BEAN1: variants seen among roughly 807,000 people sequenced by gnomAD.
BEAN1 encodes the protein brain expressed associated with NEDD4 1.
In BEAN1, 17 loss-of-function variants were observed where a neutral mutation model predicts 17.7. The ratio of observed to expected loss-of-function variants is 0.96; its 90% CI spans 0.66 to 1.44. BEAN1 has a LOEUF of 1.44. Among genes scored for constraint, BEAN1 ranks in the 40% most tolerant of loss-of-function variants. The probability of loss-of-function intolerance (pLI) is 0.00; values close to 1 mark genes in which losing one functional copy is unlikely to be tolerated. For synonymous variants in BEAN1, 142 were observed against 151.8 expected, an observed-to-expected ratio of 0.94 and a Z score of 0.47; for missense variants, 359 against 374.1, an observed-to-expected ratio of 0.96 and a Z score of 0.33.
intron 3 of BEAN1, among the ~76,000 whole-genome samples, chr16:66,472,628 T>C (rs1326846010): frequency 1.3e-5 from 2 of 152,092 alleles, no homozygotes; most frequent in African/African-American, 4.8e-5. Flanking sequence ...CGCTTGAACC[T>C]GGGAGGCATA....
At chr16:66,446,057 C>G (rs182736634) in intron 2 of BEAN1, among the ~76,000 whole-genome samples, 1 of 152,056 alleles carries the variant, frequency 6.6e-6, no homozygotes, top group African/African-American at 2.4e-5. Flanking sequence ...GTGGGGCACG[C>G]CTGTAATCCC....
rs61540693 is a variant in BEAN1 at position 66,445,475 on chromosome 16, C to CA, written c.25+7814dup. 5.7e-4 allele frequency among the ~76,000 whole-genome samples: 28 copies of CA among 49,328 alleles called. 9 individuals are homozygous for CA. Among genetic ancestry groups the CA allele is most frequent in the Non-Finnish European group, 7.4e-4 (21 of 28,534 alleles). 32.4% of individuals were successfully genotyped at this position (49,328 alleles called of 152,430 possible). ...TGGGCAAGAGAGTGAGACTCCGTCT[C>CA]AAAAAAAAAAAAAAAAAAAAAAAAA... On this transcript the variant is annotated intron_variant, in intron 2 of 4. Coordinates refer to ENST00000536005, the MANE Select transcript of BEAN1 (RefSeq NM_001178020.3).
chr16:66,479,863 A>G (rs1963918106), intron 4 of BEAN1, among the ~76,000 whole-genome samples: 1 of 151,970 alleles, frequency 6.6e-6, no homozygotes, highest in Non-Finnish European at 1.5e-5. Context: ...CTGTGTCCAA[A>G]CTGCCCTCAG....
At chr16:66,443,532 G>T (rs1006025893) in intron 2 of BEAN1, among the ~76,000 whole-genome samples, 1 of 152,198 alleles carries the variant, frequency 6.6e-6, no homozygotes, top group East Asian at 1.9e-4. Context: ...CACAGCAGGG[G>T]TGAGGAATCC....
intron 2 of BEAN1, among the ~76,000 whole-genome samples, chr16:66,441,558 T>C (rs908582685): frequency 6.6e-6 from 1 of 152,178 alleles, no homozygotes; most frequent in African/African-American, 2.4e-5. Flanking sequence ...CCTGTTCCCA[T>C]TTGGGCTTCT....
chr16:66,429,428 G>T (rs1464496150), intron 1 of BEAN1, among the ~76,000 whole-genome samples: 1 of 152,120 alleles, frequency 6.6e-6, no homozygotes, highest in Non-Finnish European at 1.5e-5. Context: ...GGGGATAGGG[G>T]AGGATGCTGG....
chr16:66,453,491 TG>T (rs1454983054), intron 2 of BEAN1, among the ~76,000 whole-genome samples: 4 of 152,002 alleles, frequency 2.6e-5, no homozygotes, highest in Non-Finnish European at 5.9e-5. Context: ...CCCAAGTAGC[TG>T]GGACTATAGG....
intron 4 of BEAN1, chr16:66,479,156 T>C (rs992618014): frequency 3.3e-5 from 5 of 151,874 alleles, no homozygotes; most frequent in Admixed American, 1.3e-4. Flanking sequence ...ACTGTGGGTA[T>C]CTGGGGATGT....
At chr16:66,475,871 G>A (rs916264211) in intron 3 of BEAN1, 1 of 152,330 alleles carries the variant, frequency 6.6e-6, no homozygotes, top group African/African-American at 2.4e-5. Flanking sequence ...AGCACTTTGG[G>A]AGGCCGAGGC....
chr16:66,489,848 C>T (rs1043830543), intron 4 of BEAN1, among the ~76,000 whole-genome samples: 1 of 151,990 alleles, frequency 6.6e-6, no homozygotes, highest in Non-Finnish European at 1.5e-5. Context: ...GATCTATTTT[C>T]GAGTAGAACT....
rs981551359 is a variant in BEAN1 at position 66,480,785 on chromosome 16, C to A, written c.640C>A (p.Pro214Thr). ...GLHTVSMDTL[P>T]PYEAVCGAGP... ...TCACACGGTCTCCATGGACACCCTT[C>A]CCCCCTACGAGGCTGTGTGCGGGGC... Residue 214 changes from proline (P) to threonine (T), a missense_variant, in exon 5 of 5, where the codon CCC becomes ACC. Transcript: ENST00000536005. The A allele has an allele frequency of 1.9e-6, 3 of 1,550,150 alleles. No homozygotes were observed. Among genetic ancestry groups the A allele is most frequent in the African/African-American group, 2.7e-5 (2 of 73,054 alleles).
intron 2 of BEAN1, among the ~76,000 whole-genome samples, chr16:66,449,649 GT>G (rs1236289209): frequency 6.9e-6 from 1 of 144,018 alleles, no homozygotes; most frequent in Non-Finnish European, 1.5e-5. Flanking sequence ...ACAATTTAAA[GT>G]TTTTCAAAAA....
chr16:66,432,464 C>T (rs912102240), intron 1 of BEAN1, among the ~76,000 whole-genome samples: 2 of 152,212 alleles, frequency 1.3e-5, no homozygotes, highest in Non-Finnish European at 2.9e-5. Flanking sequence ...TGCAACTGAC[C>T]GAAGTCCCTG....
intron 2 of BEAN1, among the ~76,000 whole-genome samples, chr16:66,448,399 CTTCCT>C (rs1474961172): frequency 6.6e-6 from 1 of 152,138 alleles, no homozygotes; most frequent in African/African-American, 2.4e-5. Context: ...TTTTTTCTTT[CTTCCT>C]TTCTTTTTCT....
chr16:66,436,605 T>A (rs1290805828), intron 1 of BEAN1, among the ~76,000 whole-genome samples: 1 of 149,698 alleles, frequency 6.7e-6, no homozygotes, highest in Non-Finnish European at 1.5e-5. Context: ...AGAGAGGGTC[T>A]CACTCTGTCA....
At chr16:66,430,186 G>C (rs2142367104) in intron 1 of BEAN1, among the ~76,000 whole-genome samples, 1 of 152,370 alleles carries the variant, frequency 6.6e-6, no homozygotes, top group South Asian at 2.1e-4. Flanking sequence ...TCCCAGAATA[G>C]TGTGAGGATG....
intron 1 of BEAN1, among the ~76,000 whole-genome samples, chr16:66,431,258 C>G (rs1230684328): frequency 6.6e-6 from 1 of 152,222 alleles, no homozygotes; most frequent in African/African-American, 2.4e-5. Flanking sequence ...CCCAGGAGTT[C>G]AAGACCAGCC....
At chr16:66,436,458 T>TC (rs1962025920) in intron 1 of BEAN1, among the ~76,000 whole-genome samples, 1 of 151,106 alleles carries the variant, frequency 6.6e-6, no homozygotes, top group Non-Finnish European at 1.5e-5. Context: ...TTTTTTTTTT[T>TC]TAGTAGAGAC....
At chr16:66,477,422 A>T in intron 3 of BEAN1, 138 bp from the exon 4 acceptor site, 1 of 877,352 alleles carries the variant, frequency 1.1e-6, no homozygotes, top group Non-Finnish European at 1.6e-6. Context: ...TGATGGATGA[A>T]GGCAGCTGTG....
Sources: allele counts gnomAD v4.1 joint callset (sites outside exome capture counted in the v4.1 genomes callset), GRCh38; gene constraint gnomAD v4.1.1; transcripts MANE v1.5; gene names NCBI Gene and HGNC (gene_info 2026-07-23, HGNC 2026-07-21).